RBM6: variants seen among roughly 807,000 people sequenced by gnomAD.
RBM6 encodes the protein RNA binding motif protein 6, also known as RNA-binding protein 6.
RBM6 carries 23 observed loss-of-function variants against 140.4 expected under a neutral mutation model. That is an observed-to-expected ratio of 0.16 (90% CI 0.12 to 0.23). The LOEUF is 0.23. Ranked by LOEUF, RBM6 falls within the 10% of genes least tolerant of loss-of-function variation. The pLI is 1.00. For missense variants in RBM6, 1,139 were observed against 1,386.7 expected (o/e 0.82, Z 2.84); for synonymous variants, 439 against 475.6 (o/e 0.92, Z 1.00).
chr3:49,997,703 C>T (rs889427188), intron 5 of RBM6, among the ~76,000 whole-genome samples: 2 of 152,142 alleles, frequency 1.3e-5, no homozygotes, highest in Admixed American at 6.5e-5. Context: ...TTGGTGCTAA[C>T]AGGTGTCTTA....
chr3:50,063,069 T>C (rs906464393), intron 15 of RBM6, among the ~76,000 whole-genome samples: 3 of 151,948 alleles, frequency 2.0e-5, no homozygotes, highest in African/African-American at 7.3e-5. Flanking sequence ...AATTTTTGCT[T>C]TTTTGTAGAG....
At chr3:49,962,541 C>G (rs2084330477) in intron 1 of RBM6, 35 bp from the exon 2 acceptor site, 3 of 1,038,022 alleles carry the variant, frequency 2.9e-6, no homozygotes, top group Non-Finnish European at 4.3e-6. Context: ...AGTTCACATT[C>G]TAAAGTACTA....
intron 4 of RBM6, among the ~76,000 whole-genome samples, chr3:49,973,145 T>C (rs1392797855): frequency 6.6e-6 from 1 of 151,696 alleles, no homozygotes; most frequent in Non-Finnish European, 1.5e-5. Flanking sequence ...TTTGATTTTT[T>C]TGAGGCAGCG....
At position 50,043,398 on chromosome 3, in the gene RBM6, G is replaced by A. The variant is rs556052850; in HGVS notation, c.1558-4847G>A. Among the ~76,000 whole-genome samples the A allele has an allele frequency of 3.3e-5, 5 of 151,012 alleles. No individual in the cohort carries two copies. The East Asian group carries it at 8.0e-4, about 24-fold the overall frequency. On this transcript the variant is annotated intron_variant, in intron 6 of 20. Transcript: ENST00000266022. ...CTTGGGAGGCAGAAACAGGAGAATC[G>A]CTTGAACCTGGGAGGCAGAGGTTGC...
intron 2 of RBM6, 110 bp downstream of exon 2, chr3:49,962,795 AT>A: frequency 8.3e-7 from 1 of 1,209,776 alleles, no homozygotes. Flanking sequence ...ATAGTTTCTG[AT>A]TTTTTAAAAA....
chr3:50,027,158 G>C (rs1465694158), intron 6 of RBM6, among the ~76,000 whole-genome samples: 1 of 152,078 alleles, frequency 6.6e-6, no homozygotes, highest in Non-Finnish European at 1.5e-5. Flanking sequence ...GTTAGGAGGA[G>C]AAAAAGCTGG....
chr3:49,995,959 G>C (rs944164066), intron 5 of RBM6, among the ~76,000 whole-genome samples: 4 of 152,074 alleles, frequency 2.6e-5, no homozygotes, highest in Non-Finnish European at 5.9e-5. Context: ...TAAACATTTT[G>C]GTATACAGTT....
At position 50,021,653 on chromosome 3, in the gene RBM6, T is replaced by G. The variant is rs116853884; in HGVS notation, c.1557+22140T>G. 1.2e-4 allele frequency among the ~76,000 whole-genome samples: 17 copies of G among 138,722 alleles called. No individual in the cohort carries two copies. In the East Asian group the frequency reaches 2.9e-3, roughly 23 times the overall value. 91.0% of individuals were successfully genotyped at this position (138,722 alleles called of 152,430 possible). A position where few individuals can be genotyped will look rare whatever the true frequency, so the allele number is the denominator to read the frequency against. The stretch of plus-strand genomic sequence containing the variant: ...AAAACTTTGTCTCTAAATAAATAAA[T>G]AAACAAATAAAATACATACCTATGT... On this transcript the variant is annotated intron_variant, in intron 6 of 20. Coordinates refer to ENST00000266022, the MANE Select transcript of RBM6 (RefSeq NM_005777.3).
chr3:49,987,813 A>G (rs1262284680), intron 5 of RBM6, among the ~76,000 whole-genome samples: 1 of 151,794 alleles, frequency 6.6e-6, no homozygotes, highest in Middle Eastern at 3.4e-3. Context: ...TAATTTTTGT[A>G]TTTTTTGTAG....
intron 1 of RBM6, among the ~76,000 whole-genome samples, chr3:49,948,063 A>C (rs2083568761): frequency 6.6e-6 from 1 of 152,146 alleles, no homozygotes; most frequent in Admixed American, 6.6e-5. Flanking sequence ...ACTGCCCTCC[A>C]GCCTGGGCGA....
chr3:50,014,782 T>C (rs554272830), intron 6 of RBM6, among the ~76,000 whole-genome samples: 2 of 152,326 alleles, frequency 1.3e-5, no homozygotes, highest in African/African-American at 4.8e-5. Flanking sequence ...ATTGGAAATA[T>C]CAGTAAGCAA....
rs147351457 is a variant in RBM6, at chr3:49,968,694, G to C, written c.1269G>C (p.Gln423His). 1.2e-5 allele frequency: 19 copies of C among 1,592,144 alleles called. No individual in the cohort carries two copies. Among genetic ancestry groups the C allele is most frequent in the South Asian group, 2.2e-5 (2 of 90,650 alleles). ...LPGSQMFGYG[Q>H]SKSFPEGKTA... ...GAAGCCAGATGTTTGGCTATGGCCA[G>C]AGCAAGTCTTTTCCAGAGGGCAAAA... The change falls in exon 3 of 21, where the codon CAG (glutamine) becomes CAC (histidine). Residue 423 changes from glutamine to histidine, a missense_variant. Physicochemically the swap from Gln to His is conservative, Grantham distance 24. Coordinates refer to ENST00000266022, the MANE Select transcript of RBM6 (RefSeq NM_005777.3).
At chr3:49,996,045 C>T (rs2086070424) in intron 5 of RBM6, among the ~76,000 whole-genome samples, 1 of 152,164 alleles carries the variant, frequency 6.6e-6, no homozygotes, top group African/African-American at 2.4e-5. Context: ...CTCCCCACTT[C>T]CCACACCCTG....
intron 1 of RBM6, among the ~76,000 whole-genome samples, chr3:49,958,166 C>T (rs189886378): frequency 1.6e-4 from 25 of 152,304 alleles, no homozygotes; most frequent in Non-Finnish European, 2.6e-4. Flanking sequence ...TGGCTCACGC[C>T]TGTAATCCCG....
chr3:50,070,411 C>T, intron 18 of RBM6, 44 bp from the exon 19 acceptor site: 1 of 1,388,684 alleles, frequency 7.2e-7, no homozygotes, highest in Non-Finnish European at 1.0e-6. Flanking sequence ...CTCCCCAATT[C>T]CCTCAGGTGG....
intron 15 of RBM6, among the ~76,000 whole-genome samples, chr3:50,064,312 A>T (rs2090044895): frequency 6.6e-6 from 1 of 152,096 alleles, no homozygotes; most frequent in African/African-American, 2.4e-5. Context: ...TTAAAAACTT[A>T]GAGTCATACT....
At chr3:49,949,679 A>G (rs1405722025) in intron 1 of RBM6, among the ~76,000 whole-genome samples, 4 of 151,948 alleles carry the variant, frequency 2.6e-5, no homozygotes, top group Admixed American at 1.3e-4. Context: ...GTGCTCAGCC[A>G]ATTTTTTGTA....
At chr3:49,970,382 T>C (rs947856060) in intron 3 of RBM6, among the ~76,000 whole-genome samples, 1 of 152,126 alleles carries the variant, frequency 6.6e-6, no homozygotes, top group African/African-American at 2.4e-5. Context: ...CCCTACCCTT[T>C]TGATGTGTGT....
chr3:50,019,307 T>C (rs2087357167), intron 6 of RBM6, among the ~76,000 whole-genome samples: 1 of 152,210 alleles, frequency 6.6e-6, no homozygotes, highest in Non-Finnish European at 1.5e-5. Context: ...ATTACAGGCA[T>C]GAGCCACCAT....
Sources: gnomAD v4.1 joint callset for allele counts (sites outside exome capture counted in the v4.1 genomes callset) on GRCh38, gnomAD v4.1.1 for gene constraint, MANE v1.5 for transcripts, NCBI Gene and HGNC (gene_info 2026-07-23, HGNC 2026-07-21) for gene names.